PKNOX2: variants seen among roughly 807,000 people sequenced by gnomAD.
PKNOX2 encodes the protein PBX/knotted 1 homeobox 2.
PKNOX2 carries 14 observed loss-of-function variants against 53.1 expected under a neutral mutation model. The observed-to-expected ratio is 0.26, with a 90% confidence interval of 0.17 to 0.41. PKNOX2 has a LOEUF of 0.41. Ranked by LOEUF, PKNOX2 falls within the 10% of genes least tolerant of loss-of-function variation. The probability of loss-of-function intolerance (pLI) is 1.00; values close to 1 mark genes in which losing one functional copy is unlikely to be tolerated. For synonymous variants in PKNOX2, 257 were observed against 242.8 expected, an observed-to-expected ratio of 1.06 and a Z score of -0.54; for missense variants, 496 against 602.8, an observed-to-expected ratio of 0.82 and a Z score of 1.85.
chr11:125,288,644 C>A (rs969227805), intron 2 of PKNOX2, among the ~76,000 whole-genome samples: 1 of 152,214 alleles, frequency 6.6e-6, no homozygotes, highest in South Asian at 2.1e-4. Flanking sequence ...CTCCTTGGAA[C>A]TGGCAGAGGC....
In PKNOX2 at chr11:125,369,142, A is replaced by C. The variant is rs188118055; in HGVS notation, c.227+1157A>C. 6.8e-4 allele frequency among the ~76,000 whole-genome samples: 104 copies of C among 152,314 alleles called. 1 individual carries two copies. Among genetic ancestry groups the C allele is most frequent in the African/African-American group, 2.3e-3 (97 of 41,558 alleles). ...TCTCATTCTCATCGGCATTATTTTT[A>C]GTTCCTCAGATAAGCCGAATGCCTC... On this transcript the variant is annotated intron_variant, in intron 5 of 12. Coordinates refer to ENST00000298282, the MANE Select transcript of PKNOX2 (RefSeq NM_001382323.2).
intron 2 of PKNOX2, among the ~76,000 whole-genome samples, chr11:125,260,083 G>T (rs558021808): frequency 1.2e-4 from 19 of 152,080 alleles, no homozygotes; most frequent in African/African-American, 3.9e-4. Flanking sequence ...TTGCTATGTT[G>T]CTCAGGCTGG....
intron 1 of PKNOX2, among the ~76,000 whole-genome samples, chr11:125,203,256 C>T (rs1938656895): frequency 6.6e-6 from 1 of 152,118 alleles, no homozygotes; most frequent in African/African-American, 2.4e-5. Flanking sequence ...TAGCTCAGAC[C>T]ACAAGTGCGC....
chr11:125,212,110 G>A (rs145037424), intron 1 of PKNOX2, among the ~76,000 whole-genome samples: 5 of 152,146 alleles, frequency 3.3e-5, no homozygotes, highest in African/African-American at 1.2e-4. Flanking sequence ...TTGAAAGCAA[G>A]AGGAGACTGT....
At chr11:125,271,140 C>T (rs147705080) in intron 2 of PKNOX2, among the ~76,000 whole-genome samples, 20 of 152,256 alleles carry the variant, frequency 1.3e-4, no homozygotes, top group African/African-American at 3.9e-4. Flanking sequence ...CCCACCATCC[C>T]GTCCTCTCTG....
intron 2 of PKNOX2, among the ~76,000 whole-genome samples, chr11:125,291,808 AC>A (rs1189044838): frequency 6.6e-6 from 1 of 152,240 alleles, no homozygotes; most frequent in Non-Finnish European, 1.5e-5. Flanking sequence ...AGGAGAACAG[AC>A]AAAAAAGGAC....
intron 5 of PKNOX2, among the ~76,000 whole-genome samples, chr11:125,384,822 G>C (rs1393124878): frequency 2.0e-5 from 3 of 151,754 alleles, no homozygotes; most frequent in African/African-American, 4.8e-5. Flanking sequence ...TATTTATTAA[G>C]TGTCTGCTAT....
At chr11:125,207,557 C>T (rs1003046416) in intron 1 of PKNOX2, among the ~76,000 whole-genome samples, 3 of 151,986 alleles carry the variant, frequency 2.0e-5, no homozygotes, top group African/African-American at 7.2e-5. Context: ...GAAAGGGTGG[C>T]ATTACTGAAC....
At chr11:125,353,920 G>A (rs1951456430) in intron 4 of PKNOX2, among the ~76,000 whole-genome samples, 2 of 151,798 alleles carry the variant, frequency 1.3e-5, no homozygotes, top group South Asian at 2.1e-4. Context: ...GCTAGGGCAG[G>A]GGTGGAGTGG....
chr11:125,381,097 C>T (rs1025282914), intron 5 of PKNOX2, among the ~76,000 whole-genome samples: 2 of 152,116 alleles, frequency 1.3e-5, no homozygotes, highest in African/African-American at 4.8e-5. Context: ...TCAGGTATCC[C>T]CATGCATGAG....
intron 3 of PKNOX2, among the ~76,000 whole-genome samples, chr11:125,347,006 C>G (rs61917782): frequency 0.016 from 2,379 of 152,232 alleles, 33 homozygotes; most frequent in Middle Eastern, 0.031. Flanking sequence ...AAAGCAATTC[C>G]TGGAGAGAAG....
intron 6 of PKNOX2, among the ~76,000 whole-genome samples, chr11:125,388,693 C>A (rs1337767394): frequency 6.6e-6 from 1 of 152,102 alleles, no homozygotes; most frequent in African/African-American, 2.4e-5. Flanking sequence ...AAATCCTCCC[C>A]ATCCCCAGCT....
chr11:125,305,116 C>T (rs556533128), intron 2 of PKNOX2, among the ~76,000 whole-genome samples: 1 of 152,326 alleles, frequency 6.6e-6, no homozygotes, highest in Non-Finnish European at 1.5e-5. Flanking sequence ...GGACAAGACA[C>T]CCACCTGAGC....
intron 5 of PKNOX2, among the ~76,000 whole-genome samples, chr11:125,372,903 C>A (rs2136298712): frequency 6.6e-6 from 1 of 152,326 alleles, no homozygotes; most frequent in African/African-American, 2.4e-5. Context: ...AGCTCTAGTT[C>A]AATAAAAGCA....
intron 2 of PKNOX2, among the ~76,000 whole-genome samples, chr11:125,331,051 C>T (rs1591530739): frequency 6.6e-6 from 1 of 151,556 alleles, no homozygotes; most frequent in East Asian, 1.9e-4. Flanking sequence ...CACAGCCTCA[C>T]TGAAGTCCAA....
intron 1 of PKNOX2, among the ~76,000 whole-genome samples, chr11:125,190,487 C>T (rs112960758): frequency 1.2e-4 from 19 of 152,320 alleles, no homozygotes; most frequent in African/African-American, 4.1e-4. Context: ...TACGGTACTC[C>T]GCTGCTCACC....
intron 3 of PKNOX2, among the ~76,000 whole-genome samples, chr11:125,332,942 G>A (rs1446859121): frequency 2.0e-5 from 3 of 152,166 alleles, no homozygotes; most frequent in Non-Finnish European, 4.4e-5. Context: ...GGAGCTCTGT[G>A]TTCTAGGTAC....
At chr11:125,396,116 G>A (rs991602774) in intron 6 of PKNOX2, among the ~76,000 whole-genome samples, 3 of 151,960 alleles carry the variant, frequency 2.0e-5, no homozygotes, top group African/African-American at 7.3e-5. Flanking sequence ...ACCACCACTG[G>A]CTAATTTTTG....
chr11:125,411,654 G>A (rs1410696764), intron 9 of PKNOX2, 92 bp from the exon 10 acceptor site: 9 of 1,602,672 alleles, frequency 5.6e-6, no homozygotes, highest in Admixed American at 1.7e-5. Flanking sequence ...GAAAGGGGCT[G>A]GCAGCCAAGC....
Sources: allele counts gnomAD v4.1 joint callset (sites outside exome capture counted in the v4.1 genomes callset), GRCh38; gene constraint gnomAD v4.1.1; transcripts MANE v1.5; gene names NCBI Gene and HGNC (gene_info 2026-07-23, HGNC 2026-07-21).